DAAM2: variants seen among roughly 807,000 people sequenced by gnomAD.
DAAM2 encodes the protein disheveled-associated activator of morphogenesis 2.
DAAM2 carries 39 observed loss-of-function variants against 120.7 expected under a neutral mutation model. The observed-to-expected ratio is 0.32, with a 90% CI of 0.25 to 0.42. The LOEUF (loss-of-function observed/expected upper bound fraction) is 0.42. Ranked by LOEUF, DAAM2 falls within the 10% of genes least tolerant of loss-of-function variation. The pLI, the probability that DAAM2 is intolerant of heterozygous loss-of-function variation, is 1.00. For synonymous variants in DAAM2, 488 were observed against 524.9 expected (o/e 0.93, Z 0.96); for missense variants, 1,283 against 1,401.7 (o/e 0.92, Z 1.35).
At chr6:39,810,262 G>T (rs1439062391) in intron 1 of DAAM2, among the ~76,000 whole-genome samples, 1 of 152,162 alleles carries the variant, frequency 6.6e-6, no homozygotes, top group African/African-American at 2.4e-5. Context: ...GAAAGAAGAA[G>T]AGATCAGACA....
chr6:39,893,655 T>C (rs971641246), intron 19 of DAAM2, among the ~76,000 whole-genome samples: 2 of 152,218 alleles, frequency 1.3e-5, no homozygotes, highest in Admixed American at 6.5e-5. Context: ...CTCTGCTCTA[T>C]AATAATTGCT....
intron 1 of DAAM2, among the ~76,000 whole-genome samples, chr6:39,834,803 G>A (rs1304336905): frequency 6.6e-6 from 1 of 152,184 alleles, no homozygotes; most frequent in Non-Finnish European, 1.5e-5. Context: ...TTCTGAGATG[G>A]AGGGCAGGGC....
intron 11 of DAAM2, among the ~76,000 whole-genome samples, chr6:39,875,765 G>A (rs1348191825): frequency 6.6e-6 from 1 of 152,164 alleles, no homozygotes; most frequent in Non-Finnish European, 1.5e-5. Context: ...CGTGGCTAGT[G>A]ATTACTCTCT....
chr6:39,900,343 C>T (rs921567756), intron 23 of DAAM2, 135 bp downstream of exon 23: 2 of 1,022,350 alleles, frequency 2.0e-6, no homozygotes, highest in Non-Finnish European at 2.8e-6. Flanking sequence ...CGTTTCTTCG[C>T]TCTTAACAAG....
rs370996980 is a variant in DAAM2 at position 39,898,928 on chromosome 6, G to A, written c.2670G>A (p.Ala890=). The A allele has an allele frequency of 2.8e-5, 45 of 1,611,112 alleles. No homozygotes were observed. Among genetic ancestry groups the A allele is most frequent in the African/African-American group, 2.3e-4 (17 of 74,990 alleles). ...GCAACCTCAGGAGGGGCCTGAGAGCGGTGGAGGTGGTGAGTACCTTGTCAG... is the reference window on the plus strand; with the variant it reads ...GCAACCTCAGGAGGGGCCTGAGAGCAGTGGAGGTGGTGAGTACCTTGTCAG... ...EVGNLRRGLR[A]VEVELEYQRR... Residue 890 remains alanine, a synonymous_variant, in exon 22 of 25, where the codon GCG becomes GCA. Transcript: ENST00000274867.
At position 39,865,085 on chromosome 6, in the gene DAAM2, T is replaced by C; in HGVS notation, c.428+11T>C. On this transcript the variant is annotated intron_variant, in intron 5 of 24. Coordinates refer to ENST00000274867, the MANE Select transcript of DAAM2 (RefSeq NM_001201427.2). The stretch of plus-strand genomic sequence containing the variant: ...GACACAGCCTATGAGGTAATTCAGT[T>C]TCCCCCTCTTGCTTCCTGCTGAGTC... 6.8e-7 allele frequency: 1 copy of C among 1,466,610 alleles called. No homozygotes were observed. The highest frequency in any genetic ancestry group is 9.4e-7 in the Non-Finnish European group (1 of 1,059,704). 90.8% of individuals were successfully genotyped at this position (1,466,610 alleles called of 1,614,324 possible). A position where few individuals can be genotyped will look rare whatever the true frequency, so the allele number is the denominator to read the frequency against.
chr6:39,868,947 TCCTTGC>T lies in DAAM2; in HGVS notation c.873+21_873+26del, dbSNP rs1764539191. On this transcript the variant is annotated intron_variant, in intron 7 of 24. Coordinates refer to ENST00000274867, the MANE Select transcript of DAAM2 (RefSeq NM_001201427.2). ...GGAGCTGGAGAGGTGGGGTGCCTTC[TCCTTGC>T]CCTTGCTGTTCCCTGACTTTCTGGA... is the stretch of plus-strand genomic sequence containing the variant. The T allele has an allele frequency of 1.3e-6, 2 of 1,537,970 alleles. No homozygotes were observed. Among genetic ancestry groups the T allele is most frequent in the African/African-American group, 1.4e-5 (1 of 72,924 alleles).
At position 39,884,007 on chromosome 6, in the gene DAAM2, G is replaced by T; in HGVS notation, c.1891G>T (p.Val631Leu). The T allele has an allele frequency of 6.2e-7, 1 of 1,613,600 alleles. No individual in the cohort carries two copies. The highest frequency in any genetic ancestry group is 8.5e-7 in the Non-Finnish European group (1 of 1,179,644). The change falls in exon 15 of 25, where the codon GTA (valine) becomes TTA (leucine). Residue 631 changes from valine to leucine, a missense_variant. Transcript: ENST00000274867. ...ATGGAATGAGATTGATGACATGCAGGTATTTCGGATCCTGGACCTAGAGGA... is the reference window on the plus strand; with the variant it reads ...ATGGAATGAGATTGATGACATGCAGTTATTTCGGATCCTGGACCTAGAGGA... ...TVWNEIDDMQ[V>L]FRILDLEDFE...
intron 5 of DAAM2, 81 bp from the exon 6 acceptor site, chr6:39,867,429 C>T: frequency 7.2e-7 from 1 of 1,381,518 alleles, no homozygotes; most frequent in Non-Finnish European, 1.0e-6. Context: ...CATGGTGGTA[C>T]ACAGGTAAGG....
chr6:39,830,581 A>T (rs9471180), intron 1 of DAAM2, among the ~76,000 whole-genome samples: 3 of 151,866 alleles, frequency 2.0e-5, no homozygotes, highest in African/African-American at 7.3e-5. Flanking sequence ...AGCAGGAGAG[A>T]GGGCCGCCTG....
At position 39,899,833 on chromosome 6, in the gene DAAM2, G is replaced by A. The variant is rs377163917; in HGVS notation, c.2680-244G>A. On this transcript the variant is annotated intron_variant, in intron 22 of 24. Coordinates refer to ENST00000274867, the MANE Select transcript of DAAM2 (RefSeq NM_001201427.2). ...AGTCTGTATTTCTCATAATTTCCTA[G>A]GTGATGCTGCTGGCCCCAGGTCACA... 18 of 369,234 alleles carry A rather than the reference G, an allele frequency of 4.9e-5. 1 individual carries two copies. Among genetic ancestry groups the A allele is most frequent in the African/African-American group, 2.9e-4 (14 of 47,768 alleles). The allele number at this position is 369,234 out of a possible 1,614,324, so 22.9% of individuals were successfully genotyped here.
intron 1 of DAAM2, chr6:39,793,269 G>A (rs1761602490): frequency 6.6e-6 from 1 of 151,984 alleles, no homozygotes; most frequent in Non-Finnish European, 1.5e-5. Flanking sequence ...CCACGGTGAG[G>A]TACGTGCCAG....
intron 1 of DAAM2, among the ~76,000 whole-genome samples, chr6:39,853,774 C>T (rs983949402): frequency 5.3e-5 from 8 of 152,228 alleles, no homozygotes; most frequent in East Asian, 1.9e-4. Context: ...CGCTGCCTCT[C>T]GGAGCTCCCT....
chr6:39,806,332 G>A (rs1161341168), intron 1 of DAAM2, among the ~76,000 whole-genome samples: 1 of 152,174 alleles, frequency 6.6e-6, no homozygotes, highest in Non-Finnish European at 1.5e-5. Context: ...TTCATCTGTT[G>A]ATATGGTCAA....
At chr6:39,843,636 A>G (rs764240491) in intron 1 of DAAM2, among the ~76,000 whole-genome samples, 2 of 152,238 alleles carry the variant, frequency 1.3e-5, no homozygotes, top group Non-Finnish European at 2.9e-5. Flanking sequence ...TGGCAATAGC[A>G]GAGCTTTAAA....
chr6:39,872,202 T>C (rs960726245), intron 9 of DAAM2, among the ~76,000 whole-genome samples: 8 of 152,134 alleles, frequency 5.3e-5, no homozygotes, highest in South Asian at 2.1e-4. Context: ...GTCCTCTGAT[T>C]CAAATGCCAG....
chr6:39,832,662 G>C (rs527412468), intron 1 of DAAM2, among the ~76,000 whole-genome samples: 6 of 152,340 alleles, frequency 3.9e-5, no homozygotes, highest in African/African-American at 1.4e-4. Flanking sequence ...TGTGAGGGCA[G>C]CTCCCAGTGC....
Position 39,879,220 on chromosome 6 carries a change from A to G in DAAM2, c.1588A>G (p.Thr530Ala). The G allele has an allele frequency of 6.5e-7, 1 of 1,549,726 alleles. No individual in the cohort carries two copies. The highest frequency in any genetic ancestry group is 8.7e-7 in the Non-Finnish European group (1 of 1,146,072). The change falls in exon 14 of 25, where the codon ACC becomes GCC. Residue 530 changes from threonine (T) to alanine (A), a missense_variant. By Grantham distance (58) the Thr-to-Ala change is moderately conservative. Around this residue, in one of 3 missense-constraint regions of DAAM2, gnomAD observed 748 missense variants for 768.6 expected, o/e 0.97. Coordinates refer to ENST00000274867, the MANE Select transcript of DAAM2 (RefSeq NM_001201427.2). Reference sequence around the variant, plus strand: ...CCCACCACCCCCTGGGGGCCCACTCACCTTGTCTTCCTCAATGACAACCAA... The same window carrying G: ...CCCACCACCCCCTGGGGGCCCACTCGCCTTGTCTTCCTCAATGACAACCAA... ...SSPPPPGGPL[T>A]LSSSMTTNDL... is the part of the protein sequence containing the mutation.
chr6:39,830,072 G>T (rs1381583330), intron 1 of DAAM2, among the ~76,000 whole-genome samples: 1 of 151,844 alleles, frequency 6.6e-6, no homozygotes, highest in Admixed American at 6.6e-5. Context: ...CCCCCTTTCC[G>T]ACTGGGAGAT....
Sources: gnomAD v4.1 joint callset for allele counts (sites outside exome capture counted in the v4.1 genomes callset) on GRCh38, gnomAD v4.1.1 for gene constraint, gnomAD v4.1.1 regional missense constraint, MANE v1.5 for transcripts, NCBI Gene and HGNC (gene_info 2026-07-23, HGNC 2026-07-21) for gene names.